GRM7: variants seen among roughly 807,000 people sequenced by gnomAD.
The protein encoded by GRM7 is metabotropic glutamate receptor 7.
GRM7 carries 35 observed loss-of-function variants against 84.5 expected under a neutral mutation model. The observed-to-expected ratio is 0.41, with a 90% CI of 0.32 to 0.55. GRM7 has a LOEUF of 0.55. GRM7 is among the 20% of genes least tolerant of loss of function. GRM7 has a pLI of 0.19. For synonymous variants in GRM7, 487 were observed against 455.1 expected, an observed-to-expected ratio of 1.07 and a Z score of -0.89; for missense variants, 1,003 against 1,194.6, an observed-to-expected ratio of 0.84 and a Z score of 2.36.
intron 8 of GRM7, among the ~76,000 whole-genome samples, chr3:7,599,018 A>G (rs903069470): frequency 1.3e-5 from 2 of 152,170 alleles, no homozygotes; most frequent in Admixed American, 1.3e-4. Flanking sequence ...ATTTCTACTC[A>G]GATATTTCAA....
chr3:7,031,079 G>T (rs1312764036), intron 1 of GRM7, among the ~76,000 whole-genome samples: 2 of 151,980 alleles, frequency 1.3e-5, no homozygotes, highest in Non-Finnish European at 2.9e-5. Flanking sequence ...TATTCCTTAG[G>T]TAGAAAAAAA....
In GRM7 at chr3:7,008,680, A is replaced by G. The variant is rs338085; in HGVS notation, c.520-137772A>G. ...TTCAAGTTTATATCTACAATTCCAAATGAAGTACTAGTTGTTTTTACCTCA... is the reference window on the plus strand; with the variant it reads ...TTCAAGTTTATATCTACAATTCCAAGTGAAGTACTAGTTGTTTTTACCTCA... On this transcript the variant is annotated intron_variant, in intron 1 of 9. Transcript: ENST00000357716. 6.9e-3 allele frequency among the ~76,000 whole-genome samples: 1,055 copies of G among 152,342 alleles called. 9 individuals are homozygous for G. Among genetic ancestry groups the G allele is most frequent in the East Asian group, 0.031 (158 of 5,180 alleles).
chr3:7,508,042 G>A (rs2124973447), intron 7 of GRM7, among the ~76,000 whole-genome samples: 1 of 152,200 alleles, frequency 6.6e-6, no homozygotes, highest in East Asian at 1.9e-4. Flanking sequence ...CTTTTACCTG[G>A]AGAATTAAAA....
intron 7 of GRM7, among the ~76,000 whole-genome samples, chr3:7,545,108 G>A (rs1429133696): frequency 6.6e-6 from 1 of 152,214 alleles, no homozygotes; most frequent in Non-Finnish European, 1.5e-5. Flanking sequence ...ACAGAGTCAT[G>A]TAAAAAAATT....
At chr3:6,865,665 G>A (rs972033391) in intron 1 of GRM7, among the ~76,000 whole-genome samples, 6 of 151,830 alleles carry the variant, frequency 4.0e-5, no homozygotes, top group Non-Finnish European at 8.8e-5. Context: ...AAATGCTTTA[G>A]TAAATGTGTC....
chr3:7,403,186 G>C lies in GRM7; in HGVS notation c.1034-11837G>C, dbSNP rs138178952. The C allele has an allele frequency of 3.5e-3, 1,549 of 444,906 alleles. 8 individuals are homozygous for C. Among genetic ancestry groups the C allele is most frequent in the Non-Finnish European group, 5.5e-3 (1,211 of 220,190 alleles). 27.6% of individuals were successfully genotyped at this position (444,906 alleles called of 1,614,324 possible). A position where few individuals can be genotyped will look rare whatever the true frequency, so the allele number is the denominator to read the frequency against. ...TGTCATTGCCTGGAGAAATGGGTAG[G>C]TGCCATTTGCTGAATTGATTAATAA... On this transcript the variant is annotated intron_variant, in intron 4 of 9. Transcript: ENST00000357716.
rs146513008 is a variant in GRM7, at chr3:7,589,341, T to C, written c.2451+9984T>C. Reference sequence around the variant, plus strand: ...TACTGCCATAAACTGAGGTTCAACTTAAATGCTGATCTTTTTTTCCCAAAT... The same window carrying C: ...TACTGCCATAAACTGAGGTTCAACTCAAATGCTGATCTTTTTTTCCCAAAT... On this transcript the variant is annotated intron_variant, in intron 8 of 9. Transcript: ENST00000357716. 1.5e-3 allele frequency among the ~76,000 whole-genome samples: 221 copies of C among 152,358 alleles called. 1 individual carries two copies. The highest frequency in any genetic ancestry group is 4.8e-3 in the African/African-American group (200 of 41,590).
chr3:7,159,986 A>T (rs1429944299), intron 2 of GRM7, among the ~76,000 whole-genome samples: 1 of 152,194 alleles, frequency 6.6e-6, no homozygotes, highest in Non-Finnish European at 1.5e-5. Context: ...AAAGCATGAA[A>T]AGATTAAGAA....
intron 4 of GRM7, among the ~76,000 whole-genome samples, chr3:7,313,796 C>G (rs536583032): frequency 2.0e-5 from 3 of 152,056 alleles, no homozygotes; most frequent in South Asian, 2.1e-4. Context: ...AAATTATGAA[C>G]TTTGTGAAAA....
At chr3:6,999,880 G>A (rs920506321) in intron 1 of GRM7, among the ~76,000 whole-genome samples, 6 of 152,152 alleles carry the variant, frequency 3.9e-5, no homozygotes, top group Non-Finnish European at 7.3e-5. Flanking sequence ...AATTCAAGAT[G>A]AGATTTGTGT....
chr3:7,216,352 A>G (rs1696609806), intron 2 of GRM7, among the ~76,000 whole-genome samples: 1 of 152,234 alleles, frequency 6.6e-6, no homozygotes, highest in African/African-American at 2.4e-5. Context: ...GACTAAAGGC[A>G]AGTATATGTA....
chr3:7,425,776 A>G (rs533198031), intron 5 of GRM7, among the ~76,000 whole-genome samples: 2 of 152,324 alleles, frequency 1.3e-5, no homozygotes, highest in African/African-American at 4.8e-5. Context: ...TTAAAAAAAT[A>G]CAAAAAAGAA....
intron 7 of GRM7, among the ~76,000 whole-genome samples, chr3:7,576,687 A>G (rs1412027874): frequency 6.6e-6 from 1 of 152,194 alleles, no homozygotes; most frequent in Non-Finnish European, 1.5e-5. Context: ...GGTTAGTTCA[A>G]TTGTATTAAA....
chr3:7,250,607 G>A (rs937602149), intron 2 of GRM7, among the ~76,000 whole-genome samples: 2 of 143,712 alleles, frequency 1.4e-5, no homozygotes, highest in African/African-American at 5.2e-5. Context: ...CACTGTAACC[G>A]CCACCTCCTG....
At chr3:7,021,377 G>A (rs12639259) in intron 1 of GRM7, among the ~76,000 whole-genome samples, 20,301 of 152,196 alleles carry the variant, frequency 0.13, 1,551 homozygotes, top group East Asian at 0.3. Context: ...TGTCTACTGA[G>A]TACATGGAAG....
intron 4 of GRM7, among the ~76,000 whole-genome samples, chr3:7,348,700 A>G (rs1400758107): frequency 1.3e-5 from 2 of 152,112 alleles, no homozygotes; most frequent in Non-Finnish European, 2.9e-5. Flanking sequence ...TCACCTGGGA[A>G]CTTATCAGAT....
In GRM7 at chr3:7,486,038, T is replaced by TAGGC. The variant is rs1699308378; in HGVS notation, c.1515+24317_1515+24318insGGCA. Among the ~76,000 whole-genome samples, 7 of 152,266 alleles carry TAGGC rather than the reference T, an allele frequency of 4.6e-5. No individual in the cohort carries two copies. The highest frequency in any genetic ancestry group is 1.4e-4 in the African/African-American group (6 of 41,566). On this transcript the variant is annotated intron_variant, in intron 7 of 9. Coordinates refer to ENST00000357716, the MANE Select transcript of GRM7 (RefSeq NM_000844.4). The surrounding 1 kb of genome is among the most constrained non-coding windows in gnomAD (Gnocchi z 5.5). ...TACAGTAAATGTGTATTTATTTACA[T>TAGGC]ACCACATCTTATAGAAGTTGAGATA...
intron 8 of GRM7, among the ~76,000 whole-genome samples, chr3:7,637,922 T>G (rs1698176313): frequency 6.6e-6 from 1 of 152,216 alleles, no homozygotes; most frequent in Non-Finnish European, 1.5e-5. Flanking sequence ...GACATCGATC[T>G]CAGCAGACTC....
intron 8 of GRM7, among the ~76,000 whole-genome samples, chr3:7,667,269 T>A (rs1381986806): frequency 7.1e-6 from 1 of 140,788 alleles, no homozygotes; most frequent in Non-Finnish European, 1.5e-5. Flanking sequence ...CCCTGTCTGT[T>A]AAAAAAAAAA....
Sources: allele counts gnomAD v4.1 joint callset (sites outside exome capture counted in the v4.1 genomes callset), GRCh38; gene constraint gnomAD v4.1.1; non-coding constraint Gnocchi (gnomAD v3.1); transcripts MANE v1.5; gene names NCBI Gene and HGNC (gene_info 2026-07-23, HGNC 2026-07-21).